Variants in SMIM14 observed in about 807,000 individuals in gnomAD.
SMIM14 encodes the protein chromosome 4 open reading frame 34.
A neutral mutation model predicts 12.6 loss-of-function variants in SMIM14; 5 were observed. The ratio of observed to expected loss-of-function variants is 0.40; its 90% CI spans 0.21 to 0.83. SMIM14 has a LOEUF of 0.83. Among genes scored for constraint, SMIM14 ranks in the 40% least tolerant of loss-of-function variants. The pLI is 0.37. For synonymous variants in SMIM14, 30 were observed against 40.1 expected, an observed-to-expected ratio of 0.75 and a Z score of 0.95; for missense variants, 86 against 119.1, an observed-to-expected ratio of 0.72 and a Z score of 1.29.
At chr4:39,610,759 G>A (rs1218233660) in intron 1 of SMIM14, among the ~76,000 whole-genome samples, 2 of 151,530 alleles carry the variant, frequency 1.3e-5, no homozygotes, top group African/African-American at 2.4e-5. Flanking sequence ...CTCTGGGGAA[G>A]AGAATAAAAT....
chr4:39,630,014 A>G (rs578242515), intron 1 of SMIM14, among the ~76,000 whole-genome samples: 89 of 152,322 alleles, frequency 5.8e-4, no homozygotes, highest in African/African-American at 2.1e-3. Context: ...CCAGTTTGTT[A>G]AAGATGAATG....
chr4:39,606,502 G>A (rs910022010), intron 1 of SMIM14, among the ~76,000 whole-genome samples: 2 of 151,912 alleles, frequency 1.3e-5, no homozygotes, highest in Non-Finnish European at 2.9e-5. Context: ...TTAGCCAAGC[G>A]TGGTGGCGTG....
chr4:39,610,608 T>C (rs1578355462), intron 1 of SMIM14, among the ~76,000 whole-genome samples: 1 of 149,996 alleles, frequency 6.7e-6, no homozygotes. Flanking sequence ...AGTAGGGGGA[T>C]CGCTTGAGCC....
intron 2 of SMIM14, among the ~76,000 whole-genome samples, chr4:39,576,656 ATGTG>A (rs202151412): frequency 3.2e-5 from 1 of 31,186 alleles, no homozygotes; most frequent in African/African-American, 7.6e-5. Context: ...GTGTGTGTGT[ATGTG>A]TATATATATA....
chr4:39,550,251 C>A lies in SMIM14; in HGVS notation c.*1875G>T, dbSNP rs1711605100. 6.6e-6 allele frequency: 1 copy of A among 152,188 alleles called. No homozygotes were observed. 9.4% of individuals were successfully genotyped at this position (152,188 alleles called of 1,614,324 possible). On this transcript the variant is annotated 3_prime_UTR_variant, in exon 5 of 5. Coordinates refer to ENST00000295958, the MANE Select transcript of SMIM14 (RefSeq NM_174921.3). ...CTGCAATCATTTGCTAGGAAAAAAA[C>A]TTCATAACCATATGGGTCATGCAGA...
chr4:39,621,691 T>C (rs1291231025), intron 1 of SMIM14, among the ~76,000 whole-genome samples: 3 of 124,724 alleles, frequency 2.4e-5, no homozygotes, highest in Admixed American at 8.4e-5. Context: ...CGTTTCTTTT[T>C]TTTTTTTTTT....
intron 2 of SMIM14, among the ~76,000 whole-genome samples, chr4:39,595,463 G>T (rs1469279183): frequency 1.3e-5 from 2 of 150,328 alleles, no homozygotes; most frequent in Non-Finnish European, 3.0e-5. Context: ...TAAATGACAA[G>T]TTAATGGGTG....
chr4:39,590,801 C>CA (rs199795378), intron 2 of SMIM14, among the ~76,000 whole-genome samples: 22,114 of 111,778 alleles, frequency 0.2, 2,011 homozygotes, highest in South Asian at 0.36. Flanking sequence ...CACTCTGTCT[C>CA]AAAAAAAAAA....
intron 4 of SMIM14, among the ~76,000 whole-genome samples, chr4:39,554,686 T>C (rs1488650995): frequency 6.8e-6 from 1 of 147,774 alleles, no homozygotes; most frequent in African/African-American, 2.5e-5. Context: ...GATGCTCTAT[T>C]ACCTTATAGT....
chr4:39,632,568 T>C (rs912534221), intron 1 of SMIM14, among the ~76,000 whole-genome samples: 2 of 149,620 alleles, frequency 1.3e-5, no homozygotes, highest in African/African-American at 4.9e-5. Flanking sequence ...CGAAGCCAGG[T>C]GGACTGCATG....
chr4:39,621,423 C>T (rs1266584032), intron 1 of SMIM14, among the ~76,000 whole-genome samples: 1 of 152,010 alleles, frequency 6.6e-6, no homozygotes, highest in Admixed American at 6.6e-5. Context: ...AAGATGGAAC[C>T]ATTTATACAC....
chr4:39,579,994 A>C (rs1713416792), intron 2 of SMIM14, among the ~76,000 whole-genome samples: 1 of 152,134 alleles, frequency 6.6e-6, no homozygotes. Context: ...ATTACAAAGA[A>C]CAAAAAATCT....
intron 2 of SMIM14, among the ~76,000 whole-genome samples, chr4:39,573,199 G>A (rs1421755661): frequency 1.3e-5 from 2 of 151,812 alleles, no homozygotes; most frequent in Non-Finnish European, 2.9e-5. Context: ...AGGTTCAAGC[G>A]ATTCTCCTGC....
intron 1 of SMIM14, among the ~76,000 whole-genome samples, chr4:39,630,124 A>G (rs1017917113): frequency 2.6e-5 from 4 of 152,214 alleles, no homozygotes; most frequent in Admixed American, 2.6e-4. Flanking sequence ...CAGAGTGCTG[A>G]GCGCAGTGGC....
intron 1 of SMIM14, among the ~76,000 whole-genome samples, chr4:39,625,372 C>T (rs1470359829): frequency 6.6e-6 from 1 of 152,094 alleles, no homozygotes; most frequent in Non-Finnish European, 1.5e-5. Context: ...CCATTACATG[C>T]CCTTGATGTC....
intron 1 of SMIM14, among the ~76,000 whole-genome samples, chr4:39,624,469 C>G (rs7693722): frequency 0.6 from 91,074 of 152,014 alleles, 27,589 homozygotes; most frequent in East Asian, 0.79. Flanking sequence ...AGTTATGTTT[C>G]TTTCACCCTT....
rs1008616123 is a variant in SMIM14 at position 39,550,118 on chromosome 4, T to C, written c.*2008A>G. On this transcript the variant is annotated 3_prime_UTR_variant, in exon 5 of 5. Coordinates refer to ENST00000295958, the MANE Select transcript of SMIM14 (RefSeq NM_174921.3). ...ACAGTACAATGATACAGAGAATTTA[T>C]TCAATTCATACAAGTAATTTACCAG... is the stretch of plus-strand genomic sequence containing the variant. The C allele has an allele frequency of 5.9e-5, 9 of 152,172 alleles. No homozygotes were observed. Among genetic ancestry groups the C allele is most frequent in the Admixed American group, 1.3e-4 (2 of 15,274 alleles). 9.4% of individuals were successfully genotyped at this position (152,172 alleles called of 1,614,324 possible).
At chr4:39,572,276 G>A (rs948878751) in intron 3 of SMIM14, 139 bp downstream of exon 3, 6 of 427,878 alleles carry the variant, frequency 1.4e-5, no homozygotes, top group Admixed American at 4.3e-5. Context: ...CGTATGTGTC[G>A]CTTTTTTTTT....
intron 1 of SMIM14, among the ~76,000 whole-genome samples, chr4:39,631,434 G>A (rs1299723710): frequency 6.0e-5 from 9 of 150,782 alleles, no homozygotes; most frequent in Admixed American, 2.0e-4. Flanking sequence ...CAAGGCGGGC[G>A]GATCACGAGG....
Sources: allele counts gnomAD v4.1 joint callset (sites outside exome capture counted in the v4.1 genomes callset), GRCh38; gene constraint gnomAD v4.1.1; transcripts MANE v1.5; gene names NCBI Gene and HGNC (gene_info 2026-07-23, HGNC 2026-07-21).